ADGRL4: variants seen among roughly 807,000 people sequenced by gnomAD.
ADGRL4 encodes the protein EGF, latrophilin and seven transmembrane domain containing 1.
ADGRL4 carries 90 observed loss-of-function variants against 74.8 expected under a neutral mutation model. The observed-to-expected ratio is 1.20, with a 90% confidence interval of 1.02 to 1.43. The LOEUF (loss-of-function observed/expected upper bound fraction) is 1.43, where lower values mean the gene tolerates loss of function less well. Ranked by LOEUF, ADGRL4 falls within the 40% of genes most tolerant of loss-of-function variation. The probability of loss-of-function intolerance (pLI) is 0.00; values close to 1 mark genes in which losing one functional copy is unlikely to be tolerated. For synonymous variants in ADGRL4, 311 were observed against 279.2 expected (o/e 1.11, Z -1.14); for missense variants, 881 against 814.3 (o/e 1.08, Z -1.00).
intron 2 of ADGRL4, among the ~76,000 whole-genome samples, chr1:78,996,833 T>C (rs1349398718): frequency 6.6e-6 from 1 of 152,204 alleles, no homozygotes. Flanking sequence ...GGTGAAAAAA[T>C]ACTTTAGGTT....
At chr1:79,001,065 G>A (rs1057062452) in intron 2 of ADGRL4, among the ~76,000 whole-genome samples, 9 of 151,446 alleles carry the variant, frequency 5.9e-5, no homozygotes, top group Non-Finnish European at 8.8e-5. Flanking sequence ...TGAAAATCAG[G>A]AGCCACCTCC....
chr1:78,911,953 C>T (rs573131973), intron 12 of ADGRL4, among the ~76,000 whole-genome samples: 1 of 151,692 alleles, frequency 6.6e-6, no homozygotes, highest in Non-Finnish European at 1.5e-5. Flanking sequence ...CATTTATTAC[C>T]ATCGATATTT....
At chr1:78,902,254 C>T (rs1340404256) in intron 12 of ADGRL4, among the ~76,000 whole-genome samples, 1 of 152,106 alleles carries the variant, frequency 6.6e-6, no homozygotes, top group East Asian at 1.9e-4. Context: ...TGACCACCTC[C>T]ACATCCCCCA....
At chr1:78,896,100 C>T (rs1433915672) in intron 12 of ADGRL4, among the ~76,000 whole-genome samples, 1 of 152,030 alleles carries the variant, frequency 6.6e-6, no homozygotes, top group Non-Finnish European at 1.5e-5. Context: ...GGTGATCAGA[C>T]CCAATGGTTC....
intron 2 of ADGRL4, among the ~76,000 whole-genome samples, chr1:78,968,107 C>A (rs941206578): frequency 6.6e-6 from 1 of 151,968 alleles, no homozygotes; most frequent in Admixed American, 6.6e-5. Flanking sequence ...AACATATATT[C>A]CAAAATTATA....
At chr1:78,971,377 TGA>T (rs1650163282) in intron 2 of ADGRL4, among the ~76,000 whole-genome samples, 1 of 152,114 alleles carries the variant, frequency 6.6e-6, no homozygotes, top group Non-Finnish European at 1.5e-5. Flanking sequence ...GAGAGGGGAA[TGA>T]GAGAGCCAGG....
intron 12 of ADGRL4, among the ~76,000 whole-genome samples, chr1:78,900,453 AAT>A (rs1215367731): frequency 6.6e-6 from 1 of 152,132 alleles, no homozygotes; most frequent in Non-Finnish European, 1.5e-5. Flanking sequence ...ATAGAAATCT[AAT>A]ATAGGGAGAA....
At chr1:78,933,402 A>G (rs1027985745) in intron 7 of ADGRL4, among the ~76,000 whole-genome samples, 5 of 151,464 alleles carry the variant, frequency 3.3e-5, no homozygotes, top group Non-Finnish European at 7.3e-5. Context: ...AAAATTATCA[A>G]CAAACTTGAT....
rs2100668913 is a variant in ADGRL4, at chr1:78,917,629, C to G, written c.1749+5G>C. 1 of 1,575,124 alleles carries G rather than the reference C, an allele frequency of 6.3e-7. No individual in the cohort carries two copies. Among genetic ancestry groups the G allele is most frequent in the Middle Eastern group, 2.2e-4 (1 of 4,534 alleles). ...AATTGTAATAACAATTTTATATATA[C>G]ATACAAGAATGATTAGGCATGCTGG... On this transcript the variant is annotated splice_donor_5th_base_variant and intron_variant, in intron 12 of 14. Coordinates refer to ENST00000370742, the MANE Select transcript of ADGRL4 (RefSeq NM_022159.4).
intron 2 of ADGRL4, among the ~76,000 whole-genome samples, chr1:78,979,999 C>T (rs1383564809): frequency 1.3e-5 from 2 of 151,774 alleles, no homozygotes; most frequent in African/African-American, 2.4e-5. Flanking sequence ...AACGTATCCA[C>T]GGAATCAGAA....
chr1:78,967,738 T>C (rs1228915178), intron 2 of ADGRL4, among the ~76,000 whole-genome samples: 1 of 152,182 alleles, frequency 6.6e-6, no homozygotes, highest in Admixed American at 6.5e-5. Context: ...ACAACAAGGA[T>C]TTCTTAAGTC....
At chr1:78,952,550 G>C (rs1649752270) in intron 2 of ADGRL4, among the ~76,000 whole-genome samples, 1 of 149,918 alleles carries the variant, frequency 6.7e-6, no homozygotes, top group Non-Finnish European at 1.5e-5. Flanking sequence ...AAGATCACCA[G>C]AAAGGAAAGA....
chr1:78,915,698 A>G (rs1360144873), intron 12 of ADGRL4, among the ~76,000 whole-genome samples: 1 of 151,730 alleles, frequency 6.6e-6, no homozygotes, highest in Non-Finnish European at 1.5e-5. Context: ...TCTTTTTTAA[A>G]TGTTTGGTGT....
At chr1:78,974,343 A>T (rs1037939715) in intron 2 of ADGRL4, among the ~76,000 whole-genome samples, 8 of 152,148 alleles carry the variant, frequency 5.3e-5, no homozygotes, top group Admixed American at 2.6e-4. Context: ...TTATTTATTG[A>T]CAAACGAATT....
Position 78,937,549 on chromosome 1 carries a change from C to T in ADGRL4, c.760+258G>A, listed in dbSNP as rs141352077. Among the ~76,000 whole-genome samples the T allele has an allele frequency of 6.5e-3, 993 of 152,236 alleles. 9 individuals carry two copies. The highest frequency in any genetic ancestry group is 0.023 in the African/African-American group (949 of 41,546). ...TGCCAAGGGAATAATGTACTCTGAC[C>T]ATTTAATGGCTGTACAGTTCAGGAA... On this transcript the variant is annotated intron_variant, in intron 6 of 14. Transcript: ENST00000370742.
chr1:78,946,169 G>T, intron 3 of ADGRL4, 105 bp downstream of exon 3: 1 of 723,540 alleles, frequency 1.4e-6, no homozygotes, highest in Admixed American at 3.4e-5. Flanking sequence ...TAACACGTAG[G>T]GTACGATCAA....
At chr1:78,994,002 C>A (rs1043483012) in intron 2 of ADGRL4, among the ~76,000 whole-genome samples, 2 of 152,176 alleles carry the variant, frequency 1.3e-5, no homozygotes, top group Non-Finnish European at 2.9e-5. Context: ...CTGAAGGCTG[C>A]CTCAAAAACA....
intron 12 of ADGRL4, among the ~76,000 whole-genome samples, chr1:78,899,104 AC>A (rs1441536887): frequency 1.3e-5 from 2 of 152,206 alleles, no homozygotes; most frequent in African/African-American, 4.8e-5. Flanking sequence ...GATTTCTCTT[AC>A]AGCACTTTTA....
chr1:78,914,741 A>G (rs1648834955), intron 12 of ADGRL4, among the ~76,000 whole-genome samples: 1 of 151,482 alleles, frequency 6.6e-6, no homozygotes, highest in Non-Finnish European at 1.5e-5. Context: ...TCCTTTCCAG[A>G]TACTTGAAGC....
Sources: allele counts gnomAD v4.1 joint callset (sites outside exome capture counted in the v4.1 genomes callset), GRCh38; gene constraint gnomAD v4.1.1; transcripts MANE v1.5; gene names NCBI Gene and HGNC (gene_info 2026-07-23, HGNC 2026-07-21).